MYT1: variants seen among roughly 807,000 people sequenced by gnomAD.
The protein encoded by MYT1 is myelin transcription factor I.
A neutral mutation model predicts 123.0 loss-of-function variants in MYT1; 23 were observed. The ratio of observed to expected loss-of-function variants is 0.19; its 90% confidence interval spans 0.13 to 0.26. The LOEUF is 0.26. MYT1 is among the 10% of genes least tolerant of loss of function. The pLI is 1.00. For missense variants in MYT1, 1,125 were observed against 1,472.5 expected (o/e 0.76, Z 3.86); for synonymous variants, 518 against 575.3 (o/e 0.90, Z 1.43).
chr20:64,169,980 C>T (rs1982201135), intron 1 of MYT1, among the ~76,000 whole-genome samples: 1 of 152,032 alleles, frequency 6.6e-6, no homozygotes, highest in Admixed American at 6.5e-5. Flanking sequence ...CCCAGCCTTC[C>T]TGCCGAGTGC....
intron 2 of MYT1, among the ~76,000 whole-genome samples, chr20:64,194,973 T>G (rs989549036): frequency 1.3e-5 from 2 of 151,914 alleles, no homozygotes; most frequent in African/African-American, 2.4e-5. Context: ...TCAGCTCACC[T>G]CAACCTTTGC....
At position 64,167,313 on chromosome 20, in the gene MYT1, T is replaced by C. The variant is rs1982112514; in HGVS notation, c.-99+2574T>C. 6.6e-6 allele frequency among the ~76,000 whole-genome samples: 1 copy of C among 152,150 alleles called. No individual in the cohort carries two copies. Among genetic ancestry groups the C allele is most frequent in the Admixed American group, 6.5e-5 (1 of 15,268 alleles). Reference sequence around the variant, plus strand: ...CTGAGCTCTTCCTGGACGGACTCAGTGCAAAAGGTGCGTCTACTTTGGAAA... The same window carrying C: ...CTGAGCTCTTCCTGGACGGACTCAGCGCAAAAGGTGCGTCTACTTTGGAAA... On this transcript the variant is annotated intron_variant, in intron 1 of 22. Coordinates refer to ENST00000328439, the MANE Select transcript of MYT1 (RefSeq NM_004535.3). This position sits in a 1 kb window ranked among gnomAD's most constrained non-coding sequence, Gnocchi z 6.3.
At chr20:64,182,254 T>G (rs116097653) in intron 1 of MYT1, among the ~76,000 whole-genome samples, 1 of 152,316 alleles carries the variant, frequency 6.6e-6, no homozygotes, top group African/African-American at 2.4e-5. Context: ...TGAGGTATGA[T>G]GAAAGCTAAG....
chr20:64,198,113 G>C (rs886452591), intron 2 of MYT1, among the ~76,000 whole-genome samples: 2 of 151,680 alleles, frequency 1.3e-5, no homozygotes, highest in African/African-American at 4.9e-5. Flanking sequence ...GTGAAACCCC[G>C]TCTCTACTAA....
chr20:64,190,391 A>G lies in MYT1; in HGVS notation c.-1+231A>G, dbSNP rs936614322. 6.6e-6 allele frequency among the ~76,000 whole-genome samples: 1 copy of G among 152,252 alleles called. No homozygotes were observed. Among genetic ancestry groups the G allele is most frequent in the African/African-American group, 2.4e-5 (1 of 41,464 alleles). On this transcript the variant is annotated intron_variant, in intron 2 of 22. Coordinates refer to ENST00000328439, the MANE Select transcript of MYT1 (RefSeq NM_004535.3). The surrounding 1 kb of genome is among the most constrained non-coding windows in gnomAD (Gnocchi z 4.1). ...TAGATCAAAACTAAAATGTGACCCC[A>G]GGCTGGGCCCGGTGGCTCACACCTG...
chr20:64,239,705 C>A, intron 21 of MYT1, 55 bp from the exon 22 acceptor site: 1 of 1,608,918 alleles, frequency 6.2e-7, no homozygotes, highest in Non-Finnish European at 8.5e-7. Flanking sequence ...AGAGAGGACC[C>A]CCAGGAGGAT....
At chr20:64,180,057 T>A (rs1472263535) in intron 1 of MYT1, among the ~76,000 whole-genome samples, 2 of 150,636 alleles carry the variant, frequency 1.3e-5, no homozygotes, top group South Asian at 4.2e-4. Flanking sequence ...CACACACAGT[T>A]ACACACCACA....
In MYT1 at chr20:64,196,639, ACTT is replaced by A. The variant is rs1983130627; in HGVS notation, c.1-2220_1-2218del. Among the ~76,000 whole-genome samples the A allele has an allele frequency of 6.6e-6, 1 of 152,192 alleles. No individual in the cohort carries two copies. The highest frequency in any genetic ancestry group is 2.1e-4 in the South Asian group (1 of 4,824). On this transcript the variant is annotated intron_variant, in intron 2 of 22. Coordinates refer to ENST00000328439, the MANE Select transcript of MYT1 (RefSeq NM_004535.3). This position sits in a 1 kb window ranked among gnomAD's most constrained non-coding sequence, Gnocchi z 4.3. Reference sequence around the variant, plus strand: ...ATCAAAGCTACACGCTCCTAAGAGAACTTCTCGCTTATTGACCAGTCAATGCAG... The same window carrying A: ...ATCAAAGCTACACGCTCCTAAGAGAACTCGCTTATTGACCAGTCAATGCAG...
At position 64,241,176 on chromosome 20, in the gene MYT1, T is replaced by C. The variant is rs1984707013; in HGVS notation, c.*728T>C. The C allele has an allele frequency of 1.3e-5, 2 of 152,204 alleles. No homozygotes were observed. The highest frequency in any genetic ancestry group is 2.9e-5 in the Non-Finnish European group (2 of 68,062). The allele number at this position is 152,204 out of a possible 1,614,324, so 9.4% of individuals were successfully genotyped here. A position where few individuals can be genotyped will look rare whatever the true frequency, so the allele number is the denominator to read the frequency against. ...TACTGGGGCTGCAGCCTTTAGACCC[T>C]GGGTCTGGGATCCACGTCTAGGGAC... On this transcript the variant is annotated 3_prime_UTR_variant, in exon 23 of 23. Coordinates refer to ENST00000328439, the MANE Select transcript of MYT1 (RefSeq NM_004535.3). This position sits in a 1 kb window ranked among gnomAD's most constrained non-coding sequence, Gnocchi z 4.2.
In MYT1 at chr20:64,166,192, G is replaced by A. The variant is rs1982077783; in HGVS notation, c.-99+1453G>A. 6.6e-6 allele frequency among the ~76,000 whole-genome samples: 1 copy of A among 152,226 alleles called. No homozygotes were observed. The highest frequency in any genetic ancestry group is 1.5e-5 in the Non-Finnish European group (1 of 68,036). Reference sequence around the variant, plus strand: ...GTAAGAGAGCAGGGATTGGAGTCCTGTGGTACCAGCCAGGGTGCTGCTATC... The same window carrying A: ...GTAAGAGAGCAGGGATTGGAGTCCTATGGTACCAGCCAGGGTGCTGCTATC... On this transcript the variant is annotated intron_variant, in intron 1 of 22. Transcript: ENST00000328439. The surrounding 1 kb of genome is among the most constrained non-coding windows in gnomAD (Gnocchi z 4.9).
chr20:64,173,391 C>T (rs1161303339), intron 1 of MYT1, among the ~76,000 whole-genome samples: 1 of 152,146 alleles, frequency 6.6e-6, no homozygotes, highest in Non-Finnish European at 1.5e-5. Flanking sequence ...CTGGCCTAGT[C>T]AGTAGAGATG....
At position 64,207,801 on chromosome 20, in the gene MYT1, C is replaced by T. The variant is rs1983529855; in HGVS notation, c.605C>T (p.Ala202Val). The T allele has an allele frequency of 1.9e-6, 3 of 1,613,846 alleles. No individual in the cohort carries two copies. The highest frequency in any genetic ancestry group is 2.5e-6 in the Non-Finnish European group (3 of 1,179,964). The change falls in exon 7 of 23, where the codon GCA becomes GTA. Residue 202 changes from alanine to valine, a missense_variant. This residue lies in a region of MYT1 where 406 missense variants were observed against 432.2 expected (regional missense o/e 0.94). Transcript: ENST00000328439. Reference sequence around the variant, plus strand: ...ATTGTGCACCTGCTTCAGGAGGCTGCAGAGGGAGCTGCCAGCGAGGAGGGT... The same window carrying T: ...ATTGTGCACCTGCTTCAGGAGGCTGTAGAGGGAGCTGCCAGCGAGGAGGGT... ...PGIVHLLQEA[A>V]EGAASEEGEK...
At chr20:64,234,603 G>T (rs545013796) in intron 19 of MYT1, among the ~76,000 whole-genome samples, 3 of 149,814 alleles carry the variant, frequency 2.0e-5, no homozygotes, top group Non-Finnish European at 4.5e-5. Flanking sequence ...GGCTGGCCGT[G>T]GTGGGTGACC....
At position 64,236,579 on chromosome 20, in the gene MYT1, C is replaced by G. The variant is rs1181814537; in HGVS notation, c.2922C>G (p.Thr974=). The part of the protein sequence containing the change: ...HRSLSGCPRA[T]FAGKKGKLSG... ...GTTTGTCAGGCTGTCCCAGAGCAACCTTTGCTGGAAAGAAGGGAAAACTGT... is the reference window on the plus strand; with the variant it reads ...GTTTGTCAGGCTGTCCCAGAGCAACGTTTGCTGGAAAGAAGGGAAAACTGT... The change falls in exon 20 of 23, where the codon ACC becomes ACG. Residue 974 remains threonine, a synonymous_variant. Transcript: ENST00000328439. The G allele has an allele frequency of 1.2e-6, 2 of 1,613,568 alleles. No individual in the cohort carries two copies. The highest frequency in any genetic ancestry group is 1.7e-6 in the Non-Finnish European group (2 of 1,179,872).
At position 64,168,366 on chromosome 20, in the gene MYT1, C is replaced by T. The variant is rs138502371; in HGVS notation, c.-99+3627C>T. 3.0e-4 allele frequency among the ~76,000 whole-genome samples: 45 copies of T among 152,284 alleles called. No individual in the cohort carries two copies. The East Asian group carries it at 7.5e-3, about 25-fold the overall frequency. On this transcript the variant is annotated intron_variant, in intron 1 of 22. Transcript: ENST00000328439. The surrounding 1 kb of genome is among the most constrained non-coding windows in gnomAD (Gnocchi z 6.1). ...TCCCCAGGGTTAATGCCATTAGGAG[C>T]GTTCCTTGTGGGAAGATTGGTTTCA...
chr20:64,168,034 C>T lies in MYT1; in HGVS notation c.-99+3295C>T, dbSNP rs1430454322. On this transcript the variant is annotated intron_variant, in intron 1 of 22. Transcript: ENST00000328439. The surrounding 1 kb of genome is among the most constrained non-coding windows in gnomAD (Gnocchi z 6.1). ...GACAGCCCCACTGGGGAGCCCACTG[C>T]CCAGCCCGGAGTGTCTGCTGGAGGC... Among the ~76,000 whole-genome samples, 2 of 152,192 alleles carry T rather than the reference C, an allele frequency of 1.3e-5. No individual in the cohort carries two copies. Among genetic ancestry groups the T allele is most frequent in the Non-Finnish European group, 2.9e-5 (2 of 68,032 alleles).
At chr20:64,182,739 C>T (rs1430298927) in intron 1 of MYT1, among the ~76,000 whole-genome samples, 3 of 152,116 alleles carry the variant, frequency 2.0e-5, no homozygotes, top group African/African-American at 4.8e-5. Flanking sequence ...TGAGGCGCAG[C>T]GGTCCAGAGG....
chr20:64,178,544 G>A (rs1337915643), intron 1 of MYT1, among the ~76,000 whole-genome samples: 1 of 151,938 alleles, frequency 6.6e-6, no homozygotes, highest in Non-Finnish European at 1.5e-5. Context: ...ACCCTTCAAC[G>A]TGGGAGCACT....
intron 2 of MYT1, among the ~76,000 whole-genome samples, chr20:64,198,422 G>T (rs933445762): frequency 6.6e-6 from 1 of 152,042 alleles, no homozygotes; most frequent in Non-Finnish European, 1.5e-5. Flanking sequence ...GGCTGAGTCT[G>T]TGGTGAGCGA....
Sources: gnomAD v4.1 joint callset for allele counts (sites outside exome capture counted in the v4.1 genomes callset) on GRCh38, gnomAD v4.1.1 for gene constraint, gnomAD v4.1.1 regional missense constraint, Gnocchi (gnomAD v3.1) non-coding constraint, MANE v1.5 for transcripts, NCBI Gene and HGNC (gene_info 2026-07-23, HGNC 2026-07-21) for gene names.